Variants in NR3C2 observed in about 807,000 individuals in gnomAD.
NR3C2 encodes the protein mineralocorticoid receptor.
A neutral mutation model predicts 86.4 loss-of-function variants in NR3C2; 15 were observed. The ratio of observed to expected loss-of-function variants is 0.17; its 90% CI spans 0.12 to 0.27. The LOEUF is 0.27. Among genes scored for constraint, NR3C2 ranks in the 10% least tolerant of loss-of-function variants. The pLI, the probability that NR3C2 is intolerant of heterozygous loss-of-function variation, is 1.00. For synonymous variants in NR3C2, 458 were observed against 450.5 expected (o/e 1.02, Z -0.21); for missense variants, 960 against 1,195.6 (o/e 0.80, Z 2.91).
At chr4:148,303,166 A>G (rs930832944) in intron 2 of NR3C2, among the ~76,000 whole-genome samples, 1 of 152,216 alleles carries the variant, frequency 6.6e-6, no homozygotes, top group Non-Finnish European at 1.5e-5. Context: ...AGGACTGGAG[A>G]GAAATTACAT....
At position 148,419,095 on chromosome 4, in the gene NR3C2, CT is replaced by C. The variant is rs33928091; in HGVS notation, c.1757+16008del. Among the ~76,000 whole-genome samples the C allele has an allele frequency of 3.7e-3, 548 of 147,692 alleles. 2 individuals carry two copies. Among genetic ancestry groups the C allele is most frequent in the Non-Finnish European group, 5.5e-3 (366 of 66,838 alleles). ...ATTCTCTATTTCACGGTTGTTTTTC[CT>C]TTTTTTTTTTCTTTTTGTCTGGCTA... is the stretch of plus-strand genomic sequence containing the variant. On this transcript the variant is annotated intron_variant, in intron 2 of 8. Transcript: ENST00000358102.
chr4:148,143,798 T>C (rs1733731256), intron 6 of NR3C2, among the ~76,000 whole-genome samples: 1 of 151,720 alleles, frequency 6.6e-6, no homozygotes, highest in African/African-American at 2.4e-5. Context: ...AAATACAAAA[T>C]TAACCAGGTG....
At chr4:148,322,387 G>T (rs1478286545) in intron 2 of NR3C2, among the ~76,000 whole-genome samples, 1 of 129,254 alleles carries the variant, frequency 7.7e-6, no homozygotes, top group African/African-American at 3.1e-5. Flanking sequence ...GAGTATCTTT[G>T]TGGCGTTCTC....
At chr4:148,342,718 G>A (rs1303950896) in intron 2 of NR3C2, among the ~76,000 whole-genome samples, 1 of 151,972 alleles carries the variant, frequency 6.6e-6, no homozygotes, top group Non-Finnish European at 1.5e-5. Flanking sequence ...TACAATTATT[G>A]TGCAGTAGCA....
At chr4:148,372,894 C>T (rs1746489801) in intron 2 of NR3C2, among the ~76,000 whole-genome samples, 1 of 152,172 alleles carries the variant, frequency 6.6e-6, no homozygotes, top group Non-Finnish European at 1.5e-5. Flanking sequence ...GTGCAACCCT[C>T]TCTTACTAGC....
At chr4:148,398,465 G>A (rs1747973047) in intron 2 of NR3C2, among the ~76,000 whole-genome samples, 1 of 152,182 alleles carries the variant, frequency 6.6e-6, no homozygotes, top group Admixed American at 6.5e-5. Context: ...CCACTGGGGT[G>A]TAATTTTATT....
intron 2 of NR3C2, among the ~76,000 whole-genome samples, chr4:148,293,002 T>C (rs1741869339): frequency 6.6e-6 from 1 of 152,218 alleles, no homozygotes; most frequent in Admixed American, 6.5e-5. Flanking sequence ...ACTACAATAC[T>C]TAGAGCTTTT....
intron 8 of NR3C2, among the ~76,000 whole-genome samples, chr4:148,086,725 G>C (rs1461661692): frequency 6.6e-6 from 1 of 152,188 alleles, no homozygotes; most frequent in Non-Finnish European, 1.5e-5. Context: ...CTGAGTGACA[G>C]AGCGAGACTG....
chr4:148,184,844 G>T (rs574439729), intron 4 of NR3C2, among the ~76,000 whole-genome samples: 1 of 152,260 alleles, frequency 6.6e-6, no homozygotes, highest in East Asian at 1.9e-4. Flanking sequence ...CAGACAAGGG[G>T]ACATGGTGGT....
At chr4:148,443,938 C>A, upstream of NR3C2, 1 of 947,976 alleles carries the variant, frequency 1.1e-6, no homozygotes, top group Non-Finnish European at 1.3e-6. Flanking sequence ...ACAGCGGCAG[C>A]GCCGCGAGCT....
In NR3C2 at chr4:148,308,228, C is replaced by T. The variant is rs184727666; in HGVS notation, c.1758-48111G>A. 5.3e-5 allele frequency among the ~76,000 whole-genome samples: 8 copies of T among 152,046 alleles called. No individual in the cohort carries two copies. The East Asian group carries it at 9.7e-4, about 18-fold the overall frequency. ...AGCCAGTCCTTTTTTTTCTAGAAAG[C>T]GACAAATATAAACCCATACAAACAC... is the stretch of plus-strand genomic sequence containing the variant. On this transcript the variant is annotated intron_variant, in intron 2 of 8. Coordinates refer to ENST00000358102, the MANE Select transcript of NR3C2 (RefSeq NM_000901.5).
intron 2 of NR3C2, among the ~76,000 whole-genome samples, chr4:148,341,905 T>C (rs1744765999): frequency 1.3e-5 from 2 of 152,162 alleles, no homozygotes; most frequent in South Asian, 2.1e-4. Flanking sequence ...AATTGAGGTA[T>C]ACCCAAACCC....
intron 6 of NR3C2, among the ~76,000 whole-genome samples, chr4:148,133,794 G>A (rs888253440): frequency 6.6e-6 from 1 of 152,240 alleles, no homozygotes; most frequent in African/African-American, 2.4e-5. Flanking sequence ...CACATGGGCA[G>A]ATGTGATTTT....
chr4:148,405,870 G>A (rs550121056), intron 2 of NR3C2, among the ~76,000 whole-genome samples: 12 of 152,340 alleles, frequency 7.9e-5, no homozygotes, highest in East Asian at 5.8e-4. Context: ...TCAACCAGGC[G>A]TAGTGGCTCA....
intron 2 of NR3C2, among the ~76,000 whole-genome samples, chr4:148,278,929 G>T (rs1380394362): frequency 6.6e-6 from 1 of 151,222 alleles, no homozygotes; most frequent in Non-Finnish European, 1.5e-5. Flanking sequence ...TTGGGAGGCT[G>T]AGACGGGTAG....
chr4:148,158,272 AC>A, intron 4 of NR3C2, among the ~76,000 whole-genome samples: 1 of 152,268 alleles, frequency 6.6e-6, no homozygotes, highest in Non-Finnish European at 1.5e-5. Context: ...AGAACAAAGC[AC>A]CCAGGTAATC....
chr4:148,091,627 G>C (rs1050578504), intron 8 of NR3C2, among the ~76,000 whole-genome samples: 2 of 152,224 alleles, frequency 1.3e-5, no homozygotes, highest in Non-Finnish European at 2.9e-5. Flanking sequence ...GCATCTACCA[G>C]TCACCCTGTA....
At chr4:148,101,250 C>T (rs1731523410) in intron 8 of NR3C2, among the ~76,000 whole-genome samples, 1 of 152,180 alleles carries the variant, frequency 6.6e-6, no homozygotes, top group Non-Finnish European at 1.5e-5. Context: ...AGTACAATTG[C>T]ATCTTAAAAT....
chr4:148,354,389 G>T (rs1416777233), intron 2 of NR3C2, among the ~76,000 whole-genome samples: 2 of 152,064 alleles, frequency 1.3e-5, no homozygotes, highest in Non-Finnish European at 2.9e-5. Context: ...AGTTTTGGAG[G>T]CGTCAACAGT....
Sources: gnomAD v4.1 joint callset for allele counts (sites outside exome capture counted in the v4.1 genomes callset) on GRCh38, gnomAD v4.1.1 for gene constraint, MANE v1.5 for transcripts, NCBI Gene and HGNC (gene_info 2026-07-23, HGNC 2026-07-21) for gene names.